FRAS1: variants seen among roughly 807,000 people sequenced by gnomAD.
FRAS1 encodes extracellular matrix organizing protein FRAS1.
In FRAS1, 290 loss-of-function variants were observed where a neutral mutation model predicts 435.2. The observed-to-expected ratio is 0.67, with a 90% CI of 0.61 to 0.73. The LOEUF is 0.73. Among genes scored for constraint, FRAS1 ranks in the 30% least tolerant of loss-of-function variants. The probability of loss-of-function intolerance (pLI) is 0.00; values close to 1 mark genes in which losing one functional copy is unlikely to be tolerated. For missense variants in FRAS1, 4,860 were observed against 5,001.5 expected, an observed-to-expected ratio of 0.97 and a Z score of 0.85; for synonymous variants, 1,800 against 1,851.0, an observed-to-expected ratio of 0.97 and a Z score of 0.71.
At chr4:78,211,352 G>A (rs910995527) in intron 2 of FRAS1, among the ~76,000 whole-genome samples, 2 of 152,226 alleles carry the variant, frequency 1.3e-5, no homozygotes, top group African/African-American at 4.8e-5. Context: ...TTTTTAAAAA[G>A]AAGTCAACTT....
chr4:78,296,776 G>A (rs1262628361), intron 14 of FRAS1, among the ~76,000 whole-genome samples: 1 of 151,980 alleles, frequency 6.6e-6, no homozygotes, highest in Admixed American at 6.6e-5. Context: ...GTCTTGTGTT[G>A]CACTTTAATT....
chr4:78,255,925 A>G (rs1303405522), intron 6 of FRAS1, among the ~76,000 whole-genome samples: 2 of 152,230 alleles, frequency 1.3e-5, no homozygotes, highest in Non-Finnish European at 2.9e-5. Flanking sequence ...TTTAGAAGAG[A>G]AAATCAATTG....
At chr4:78,306,872 G>A (rs917552253) in intron 14 of FRAS1, among the ~76,000 whole-genome samples, 37 of 152,220 alleles carry the variant, frequency 2.4e-4, no homozygotes, top group Non-Finnish European at 4.6e-4. Flanking sequence ...GCTCGTCAAA[G>A]TCATTCTCCA....
intron 2 of FRAS1, among the ~76,000 whole-genome samples, chr4:78,203,013 G>A (rs943078465): frequency 1.3e-5 from 2 of 152,172 alleles, no homozygotes; most frequent in African/African-American, 2.4e-5. Flanking sequence ...GATGAACCAA[G>A]CTATCATTTA....
intron 30 of FRAS1, among the ~76,000 whole-genome samples, chr4:78,403,625 A>G (rs1732986246): frequency 6.6e-6 from 1 of 152,132 alleles, no homozygotes; most frequent in South Asian, 2.1e-4. Flanking sequence ...AACAGAACCA[A>G]ATGTAAATTG....
At chr4:78,495,579 C>T (rs1043862810) in intron 59 of FRAS1, among the ~76,000 whole-genome samples, 1 of 152,148 alleles carries the variant, frequency 6.6e-6, no homozygotes, top group Non-Finnish European at 1.5e-5. Context: ...ACATGTACTA[C>T]AGATACCATC....
At chr4:78,098,281 T>C (rs1310447090) in intron 2 of FRAS1, among the ~76,000 whole-genome samples, 13 of 150,140 alleles carry the variant, frequency 8.7e-5, no homozygotes, top group East Asian at 1.9e-4. Flanking sequence ...CTTTTCTTTT[T>C]TTTTTTTTTT....
chr4:78,087,461 A>G (rs538971882), intron 2 of FRAS1, among the ~76,000 whole-genome samples: 22 of 152,332 alleles, frequency 1.4e-4, no homozygotes, highest in African/African-American at 4.8e-4. Context: ...AGGGTATTCA[A>G]TTAGGAAAAG....
At chr4:78,509,903 G>C (rs1176643216) in intron 63 of FRAS1, among the ~76,000 whole-genome samples, 3 of 152,298 alleles carry the variant, frequency 2.0e-5, no homozygotes, top group Non-Finnish European at 4.4e-5. Context: ...AATTTCTCTA[G>C]ATTTTCCTGT....
intron 14 of FRAS1, among the ~76,000 whole-genome samples, chr4:78,290,803 CTTTTTTT>C (rs56771542): frequency 4.9e-5 from 6 of 121,822 alleles, no homozygotes; most frequent in African/African-American, 1.9e-4. Context: ...TATTTATTGC[CTTTTTTT>C]TTTTTTTTTT....
intron 57 of FRAS1, 82 bp downstream of exon 57, chr4:78,482,046 T>C: frequency 7.3e-7 from 1 of 1,368,634 alleles, no homozygotes; most frequent in East Asian, 2.3e-5. Context: ...CCAAGCTCTC[T>C]AAACTCCCCT....
chr4:78,246,712 G>A (rs1429476862), intron 4 of FRAS1, among the ~76,000 whole-genome samples: 1 of 151,070 alleles, frequency 6.6e-6, no homozygotes, highest in East Asian at 1.9e-4. Flanking sequence ...AAGTGAAGGA[G>A]TTGTTAGGAG....
intron 3 of FRAS1, among the ~76,000 whole-genome samples, chr4:78,243,950 T>C (rs969433302): frequency 6.6e-6 from 1 of 152,152 alleles, no homozygotes; most frequent in Non-Finnish European, 1.5e-5. Context: ...ATTGTTTTAG[T>C]GGAAATCAGA....
At chr4:78,195,523 G>T (rs1338505945) in intron 2 of FRAS1, among the ~76,000 whole-genome samples, 1 of 152,224 alleles carries the variant, frequency 6.6e-6, no homozygotes, top group Non-Finnish European at 1.5e-5. Flanking sequence ...ATCTCAGACT[G>T]CTGTGCTAGC....
intron 4 of FRAS1, 61 bp from the exon 5 acceptor site, chr4:78,252,331 C>A: frequency 6.6e-7 from 1 of 1,507,574 alleles, no homozygotes; most frequent in Non-Finnish European, 9.1e-7. Flanking sequence ...TTCTATTTGG[C>A]TGAATGAAAG....
intron 69 of FRAS1, among the ~76,000 whole-genome samples, chr4:78,525,179 G>C (rs1376321812): frequency 6.6e-6 from 1 of 152,224 alleles, no homozygotes; most frequent in Non-Finnish European, 1.5e-5. Context: ...AGTGCAAGGA[G>C]AGCCCCTACA....
intron 31 of FRAS1, 119 bp downstream of exon 31, chr4:78,407,960 G>A (rs1294981780): frequency 1.2e-6 from 1 of 857,450 alleles, no homozygotes; most frequent in Non-Finnish European, 1.7e-6. Context: ...TGGGGGACGT[G>A]TTAGTTCATT....
rs369399937 is a variant in FRAS1 at position 78,411,108 on chromosome 4, A to ATTTT, written c.4309-1856_4309-1853dup. Among the ~76,000 whole-genome samples the ATTTT allele has an allele frequency of 7.7e-5, 11 of 142,906 alleles. 1 individual carries two copies. The highest frequency in any genetic ancestry group is 2.2e-4 in the South Asian group (1 of 4,578). The allele number at this position is 142,906 out of a possible 152,430, so 93.8% of individuals were successfully genotyped here. ...AAATGCAGTATAATGAGTTGCATGG[A>ATTTT]TTTTTTTTCTTTTTTTTTCTGAGAC... On this transcript the variant is annotated intron_variant, in intron 31 of 73. Coordinates refer to ENST00000512123, the MANE Select transcript of FRAS1 (RefSeq NM_025074.7).
At chr4:78,465,663 G>T (rs372721905) in intron 49 of FRAS1, among the ~76,000 whole-genome samples, 1 of 152,222 alleles carries the variant, frequency 6.6e-6, no homozygotes, top group Non-Finnish European at 1.5e-5. Flanking sequence ...AATGAGACCA[G>T]AGAGGAACCC....
Sources: gnomAD v4.1 joint callset for allele counts (sites outside exome capture counted in the v4.1 genomes callset) on GRCh38, gnomAD v4.1.1 for gene constraint, MANE v1.5 for transcripts, NCBI Gene and HGNC (gene_info 2026-07-23, HGNC 2026-07-21) for gene names.